Variants in SPECC1 observed in about 807,000 individuals in gnomAD.
SPECC1 encodes sperm antigen with calponin homology and coiled-coil domains 1.
SPECC1 carries 62 observed loss-of-function variants against 104.1 expected under a neutral mutation model. The observed-to-expected ratio is 0.60, with a 90% CI of 0.49 to 0.74. The LOEUF is 0.74. Among genes scored for constraint, SPECC1 ranks in the 30% least tolerant of loss-of-function variants. The probability of loss-of-function intolerance (pLI) is 0.00; values close to 1 mark genes in which losing one functional copy is unlikely to be tolerated. For missense variants in SPECC1, 1,306 were observed against 1,310.5 expected (o/e 1.00, Z 0.05); for synonymous variants, 513 against 501.6 (o/e 1.02, Z -0.30).
At chr17:20,038,645 C>T (rs2045197164) in intron 1 of SPECC1, among the ~76,000 whole-genome samples, 1 of 152,208 alleles carries the variant, frequency 6.6e-6, no homozygotes. Flanking sequence ...TGTGATCCAC[C>T]AGCCTCGGCC....
At chr17:20,117,374 G>C (rs1163914316) in intron 3 of SPECC1, among the ~76,000 whole-genome samples, 1 of 152,012 alleles carries the variant, frequency 6.6e-6, no homozygotes, top group Non-Finnish European at 1.5e-5. Flanking sequence ...AAGCCATAAA[G>C]GAAAAGATGA....
chr17:20,273,704 A>G (rs1022304798), intron 12 of SPECC1, among the ~76,000 whole-genome samples: 6 of 151,964 alleles, frequency 3.9e-5, no homozygotes, highest in Admixed American at 3.3e-4. Context: ...CTTGCCACCA[A>G]TTTCCTGTGT....
chr17:20,239,896 T>G (rs1360853651), intron 7 of SPECC1, among the ~76,000 whole-genome samples: 2 of 130,972 alleles, frequency 1.5e-5, no homozygotes, highest in African/African-American at 5.8e-5. Context: ...TTTTTTTTTT[T>G]TTTTTTTTTT....
At chr17:20,126,725 G>A (rs1012428149) in intron 3 of SPECC1, among the ~76,000 whole-genome samples, 1 of 152,298 alleles carries the variant, frequency 6.6e-6, no homozygotes, top group Non-Finnish European at 1.5e-5. Context: ...TTAAATGCTA[G>A]TGACATCTTG....
At position 20,063,363 on chromosome 17, in the gene SPECC1, C is replaced by G. The variant is rs541846422; in HGVS notation, c.-21-33268C>G. Among the ~76,000 whole-genome samples the G allele has an allele frequency of 5.9e-5, 9 of 152,176 alleles. No individual in the cohort carries two copies. In the South Asian group the frequency reaches 1.9e-3, roughly 32 times the overall value. On this transcript the variant is annotated intron_variant, in intron 1 of 14. Transcript: ENST00000395527. ...GATCTGCTTTGCCTAGTTTACAAATCCTTATATGTAATTACGTTCTCTTTC... is the reference window on the plus strand; with the variant it reads ...GATCTGCTTTGCCTAGTTTACAAATGCTTATATGTAATTACGTTCTCTTTC...
At chr17:20,306,650 G>A (rs530537756) in intron 14 of SPECC1, among the ~76,000 whole-genome samples, 10 of 152,386 alleles carry the variant, frequency 6.6e-5, no homozygotes, top group African/African-American at 2.2e-4. Flanking sequence ...GATTGTGTGC[G>A]CACGTGCGCG....
intron 3 of SPECC1, among the ~76,000 whole-genome samples, chr17:20,150,513 C>T (rs1189546287): frequency 6.6e-6 from 1 of 151,758 alleles, no homozygotes; most frequent in Non-Finnish European, 1.5e-5. Flanking sequence ...GTGGTGCATG[C>T]CTGTAATCCC....
At chr17:20,021,934 T>G (rs1029752984) in intron 1 of SPECC1, among the ~76,000 whole-genome samples, 3 of 149,074 alleles carry the variant, frequency 2.0e-5, no homozygotes, top group African/African-American at 7.3e-5. Flanking sequence ...ATTATTATTA[T>G]AATTATAATT....
intron 1 of SPECC1, among the ~76,000 whole-genome samples, chr17:20,085,743 T>C (rs765463268): frequency 6.6e-6 from 1 of 152,212 alleles, no homozygotes; most frequent in Non-Finnish European, 1.5e-5. Flanking sequence ...TGATTTAACT[T>C]AATCTGGCAA....
chr17:20,180,949 T>C (rs2034839672), intron 3 of SPECC1, among the ~76,000 whole-genome samples: 1 of 152,184 alleles, frequency 6.6e-6, no homozygotes, highest in Non-Finnish European at 1.5e-5. Flanking sequence ...TATGAAAATT[T>C]TGATTTTTGT....
chr17:20,042,495 G>A (rs928929435), intron 1 of SPECC1, among the ~76,000 whole-genome samples: 1 of 152,200 alleles, frequency 6.6e-6, no homozygotes, highest in Admixed American at 6.5e-5. Flanking sequence ...AGGTTCCCCT[G>A]ACACTGCTGG....
intron 3 of SPECC1, among the ~76,000 whole-genome samples, chr17:20,151,617 C>T (rs554674058): frequency 3.3e-5 from 5 of 152,276 alleles, no homozygotes; most frequent in African/African-American, 9.6e-5. Flanking sequence ...GCTTCACTTC[C>T]GCGTGTTGCT....
intron 9 of SPECC1, among the ~76,000 whole-genome samples, chr17:20,248,251 C>T (rs2039497701): frequency 6.6e-6 from 1 of 152,202 alleles, no homozygotes; most frequent in African/African-American, 2.4e-5. Flanking sequence ...TCCAGATCCT[C>T]TGAGAAGGGG....
Position 20,205,464 on chromosome 17 carries a change from G to T in SPECC1, c.1415G>T (p.Gly472Val). The change falls in exon 4 of 15, where the codon GGT becomes GTT. Residue 472 changes from glycine to valine, a missense_variant. By Grantham distance (109) the Gly-to-Val change is moderately radical. Around this residue, in one of 2 missense-constraint regions of SPECC1, gnomAD observed 1,177 missense variants for 1,139.9 expected, o/e 1.03. Coordinates refer to ENST00000395527, the MANE Select transcript of SPECC1 (RefSeq NM_001243439.2). ...KIIELEQKCT[G>V]ILEQGRFERE... Reference sequence around the variant, plus strand: ...ATTGAACTGGAGCAGAAGTGCACAGGTATTCTTGAACAGGGCCGCTTTGAA... The same window carrying T: ...ATTGAACTGGAGCAGAAGTGCACAGTTATTCTTGAACAGGGCCGCTTTGAA... 2.5e-6 allele frequency: 4 copies of T among 1,614,082 alleles called. No homozygotes were observed. Among genetic ancestry groups the T allele is most frequent in the Non-Finnish European group, 3.4e-6 (4 of 1,180,026 alleles).
intron 3 of SPECC1, chr17:20,111,811 G>GTC (rs2048508724): frequency 3.6e-6 from 3 of 829,516 alleles, no homozygotes; most frequent in African/African-American, 1.7e-5. Flanking sequence ...GGACCCAGGG[G>GTC]GGGGGCAGCG....
intron 1 of SPECC1, among the ~76,000 whole-genome samples, chr17:20,090,753 T>C (rs1423637997): frequency 1.3e-5 from 2 of 152,182 alleles, no homozygotes; most frequent in Non-Finnish European, 2.9e-5. Context: ...TGAGGCAGCT[T>C]TGGAGACAGA....
At chr17:20,266,312 G>T (rs921492541) in intron 12 of SPECC1, among the ~76,000 whole-genome samples, 1 of 152,214 alleles carries the variant, frequency 6.6e-6, no homozygotes, top group African/African-American at 2.4e-5. Flanking sequence ...GGCCGGGCGC[G>T]GTGACTCACG....
At chr17:20,216,909 C>G (rs1261114078) in intron 4 of SPECC1, among the ~76,000 whole-genome samples, 10 of 151,912 alleles carry the variant, frequency 6.6e-5, no homozygotes, top group Admixed American at 5.9e-4. Flanking sequence ...CCCTGTAGTT[C>G]CAGCTTCAGA....
intron 3 of SPECC1, among the ~76,000 whole-genome samples, chr17:20,163,324 C>T (rs1393710535): frequency 6.6e-6 from 1 of 152,092 alleles, no homozygotes; most frequent in Non-Finnish European, 1.5e-5. Context: ...TTTACAAATG[C>T]AGTAAAATTT....
Sources: gnomAD v4.1 joint callset for allele counts (sites outside exome capture counted in the v4.1 genomes callset) on GRCh38, gnomAD v4.1.1 for gene constraint, gnomAD v4.1.1 regional missense constraint, MANE v1.5 for transcripts, NCBI Gene and HGNC (gene_info 2026-07-23, HGNC 2026-07-21) for gene names.